The following COPS7B variants were observed in gnomAD, a reference collection of about 807,000 sequenced individuals.
COPS7B encodes COP9 signalosome complex subunit 7b.
A neutral mutation model predicts 33.4 loss-of-function variants in COPS7B; 9 were observed. That is an observed-to-expected ratio of 0.27 (90% CI 0.16 to 0.47). The LOEUF (loss-of-function observed/expected upper bound fraction) is 0.47. Ranked by LOEUF, COPS7B falls within the 20% of genes least tolerant of loss-of-function variation. COPS7B has a pLI of 0.99. For synonymous variants in COPS7B, 119 were observed against 126.3 expected, an observed-to-expected ratio of 0.94 and a Z score of 0.39; for missense variants, 242 against 318.2, an observed-to-expected ratio of 0.76 and a Z score of 1.82.
chr2:231,786,804 C>T (rs1213062963), intron 1 of COPS7B, among the ~76,000 whole-genome samples: 2 of 152,180 alleles, frequency 1.3e-5, no homozygotes, highest in Non-Finnish European at 2.9e-5. Flanking sequence ...GCTCGTTTGC[C>T]CCTCTCCAGT....
chr2:231,782,129 AG>A (rs1353218511), upstream of COPS7B, among the ~76,000 whole-genome samples: 3 of 152,234 alleles, frequency 2.0e-5, no homozygotes, highest in Admixed American at 2.0e-4. Context: ...AGAGAGGCGA[AG>A]GGATTGGCCA....
intron 5 of COPS7B, 26 bp from the exon 6 acceptor site, chr2:231,798,833 C>G: frequency 1.3e-6 from 2 of 1,597,066 alleles, no homozygotes; most frequent in Non-Finnish European, 1.7e-6. Context: ...CATTCTGCAG[C>G]TCAGGGCTGG....
chr2:231,794,471 C>A, intron 4 of COPS7B, 120 bp downstream of exon 4: 2 of 752,812 alleles, frequency 2.7e-6, no homozygotes, highest in Non-Finnish European at 2.2e-6. Flanking sequence ...ATAAAATTTG[C>A]TTGACAGAGG....
At position 231,807,519 on chromosome 2, in the gene COPS7B, C is replaced by T. The variant is rs2049930202; in HGVS notation, c.669C>T (p.Thr223=). The change falls in exon 7 of 7, where the codon ACC becomes ACT. Residue 223 remains threonine (T), a synonymous_variant. Coordinates refer to ENST00000350033, the MANE Select transcript of COPS7B (RefSeq NM_022730.4). ...ACATCAAGAAGACACTCAAAGCCACCGCATCCTCCTCGGCTCAGGAGATGG... is the reference window on the plus strand; with the variant it reads ...ACATCAAGAAGACACTCAAAGCCACTGCATCCTCCTCGGCTCAGGAGATGG... ...VTNIKKTLKA[T]ASSSAQEMEQ... is the part of the protein sequence containing the mutation. 4.3e-6 allele frequency: 7 copies of T among 1,613,452 alleles called. No homozygotes were observed. The highest frequency in any genetic ancestry group is 1.3e-5 in the African/African-American group (1 of 74,896).
chr2:231,781,846 C>G (rs1305580116), upstream of COPS7B: 1 of 1,550,808 alleles, frequency 6.4e-7, no homozygotes, highest in Non-Finnish European at 8.7e-7. Flanking sequence ...AGAGAGTTAA[C>G]TTCTGTTTAC....
chr2:231,788,124 G>A (rs1388433410), intron 1 of COPS7B, among the ~76,000 whole-genome samples: 3 of 150,288 alleles, frequency 2.0e-5, no homozygotes, highest in African/African-American at 7.4e-5. Context: ...ATTGCATCTG[G>A]ACTCAGGAAC....
At chr2:231,799,288 A>G (rs1031119052) in intron 6 of COPS7B, among the ~76,000 whole-genome samples, 1 of 152,164 alleles carries the variant, frequency 6.6e-6, no homozygotes, top group Non-Finnish European at 1.5e-5. Flanking sequence ...AAAAATGGAT[A>G]GAAGGATGGT....
intron 1 of COPS7B, among the ~76,000 whole-genome samples, chr2:231,787,742 A>T (rs1038102685): frequency 1.3e-5 from 2 of 151,942 alleles, no homozygotes; most frequent in African/African-American, 2.4e-5. Flanking sequence ...TGCTTACTTG[A>T]CTTGATTAAA....
Position 231,807,490 on chromosome 2 carries a change from A to G in COPS7B, c.640A>G (p.Thr214Ala). 6.2e-7 allele frequency: 1 copy of G among 1,611,070 alleles called. No individual in the cohort carries two copies. Among genetic ancestry groups the G allele is most frequent in the Non-Finnish European group, 8.5e-7 (1 of 1,178,536 alleles). The change falls in exon 7 of 7, where the codon ACC (threonine) becomes GCC (alanine). Residue 214 changes from threonine to alanine, a missense_variant. Physicochemically the swap from Thr to Ala is moderately conservative, Grantham distance 58. Coordinates refer to ENST00000350033, the MANE Select transcript of COPS7B (RefSeq NM_022730.4). ...CAATTCTATATCTCCCCACCAGGTT[A>G]CCAACATCAAGAAGACACTCAAAGC... ...RTQQQVEAEV[T>A]NIKKTLKATA...
rs757602751 is a variant in COPS7B, at chr2:231,807,649, C to T, written c.*4C>T. 24 of 1,548,992 alleles carry T rather than the reference C, an allele frequency of 1.5e-5. No homozygotes were observed. The highest frequency in any genetic ancestry group is 1.5e-4 in the East Asian group (6 of 41,054). ...TCTGGTCTCCAGCCGCCACTAGGGC[C>T]GGCTGGGGCAGCTGGCACTCACCAG... On this transcript the variant is annotated 3_prime_UTR_variant, in exon 7 of 7. Coordinates refer to ENST00000350033, the MANE Select transcript of COPS7B (RefSeq NM_022730.4).
At chr2:231,792,860 GC>G (rs1196117666) in intron 3 of COPS7B, among the ~76,000 whole-genome samples, 1 of 152,036 alleles carries the variant, frequency 6.6e-6, no homozygotes, top group Non-Finnish European at 1.5e-5. Flanking sequence ...GATACTCAGG[GC>G]CTTCGCTGCG....
chr2:231,805,429 ATAT>A (rs1405520535), intron 6 of COPS7B, among the ~76,000 whole-genome samples: 25 of 114,868 alleles, frequency 2.2e-4, no homozygotes, highest in African/African-American at 8.5e-4. Flanking sequence ...ATATATATAT[ATAT>A]TTTTTTTTAA....
chr2:231,788,418 G>C (rs749281556), intron 1 of COPS7B, 137 bp from the exon 2 acceptor site: 15 of 767,418 alleles, frequency 2.0e-5, no homozygotes, highest in Admixed American at 2.9e-5. Flanking sequence ...TTACAGGCAT[G>C]AGCCACTGCA....
At chr2:231,790,540 A>G (rs1437480312) in intron 2 of COPS7B, 2 of 152,084 alleles carry the variant, frequency 1.3e-5, no homozygotes, top group Non-Finnish European at 2.9e-5. Context: ...GTTTTTCCAT[A>G]TGTGAGCTGA....
chr2:231,796,566 A>G (rs931707162), intron 5 of COPS7B, among the ~76,000 whole-genome samples: 2 of 152,236 alleles, frequency 1.3e-5, no homozygotes, highest in African/African-American at 4.8e-5. Context: ...AAAGTGGGCT[A>G]TAAAATGCCC....
intron 6 of COPS7B, among the ~76,000 whole-genome samples, chr2:231,805,866 C>G (rs1457934268): frequency 6.7e-6 from 1 of 149,996 alleles, no homozygotes; most frequent in African/African-American, 2.5e-5. Flanking sequence ...CCAGGCTGGT[C>G]TTGAACACCT....
At chr2:231,806,934 A>C (rs796842727) in intron 6 of COPS7B, among the ~76,000 whole-genome samples, 2 of 152,342 alleles carry the variant, frequency 1.3e-5, no homozygotes, top group East Asian at 3.9e-4. Context: ...ACGTGGTAAA[A>C]TGTTCAAGAG....
chr2:231,796,001 C>T lies in COPS7B; in HGVS notation c.328-105C>T, dbSNP rs571637225. The T allele has an allele frequency of 2.0e-3, 1,673 of 839,058 alleles. 5 individuals are homozygous for T. The highest frequency in any genetic ancestry group is 2.9e-3 in the Non-Finnish European group (1,467 of 511,752). 52.0% of individuals were successfully genotyped at this position (839,058 alleles called of 1,614,324 possible). On this transcript the variant is annotated intron_variant, in intron 4 of 6. Transcript: ENST00000350033. ...GCTATTAATAATTACCACTAGCCTG[C>T]GTTTCCCGAGCCTAGAGGCAGCTGT...
chr2:231,792,957 C>T (rs2049461420), intron 3 of COPS7B, among the ~76,000 whole-genome samples: 1 of 152,184 alleles, frequency 6.6e-6, no homozygotes, highest in Admixed American at 6.5e-5. Context: ...TGGTACACCA[C>T]ATTTTTTTCT....
Sources: allele counts gnomAD v4.1 joint callset (sites outside exome capture counted in the v4.1 genomes callset), GRCh38; gene constraint gnomAD v4.1.1; transcripts MANE v1.5; gene names NCBI Gene and HGNC (gene_info 2026-07-23, HGNC 2026-07-21).